Variants in KHDRBS2 observed in about 807,000 individuals in gnomAD.
KHDRBS2 encodes KH domain-containing, RNA-binding, signal transduction-associated protein 2.
In KHDRBS2, 26 loss-of-function variants were observed where a neutral mutation model predicts 44.3. The ratio of observed to expected loss-of-function variants is 0.59; its 90% CI spans 0.43 to 0.81. KHDRBS2 has a LOEUF of 0.81. Among genes scored for constraint, KHDRBS2 ranks in the 40% least tolerant of loss-of-function variants. KHDRBS2 has a pLI of 0.00. For synonymous variants in KHDRBS2, 194 were observed against 151.1 expected (o/e 1.28, Z -2.08); for missense variants, 476 against 433.1 (o/e 1.10, Z -0.88).
intron 1 of KHDRBS2, among the ~76,000 whole-genome samples, chr6:62,234,440 C>T (rs915006653): frequency 6.6e-6 from 1 of 151,874 alleles, no homozygotes; most frequent in African/African-American, 2.4e-5. Flanking sequence ...TTTTATATGC[C>T]AGGTATTGCA....
intron 6 of KHDRBS2, among the ~76,000 whole-genome samples, chr6:61,855,782 C>T (rs147250410): frequency 6.6e-5 from 10 of 152,054 alleles, no homozygotes; most frequent in East Asian, 1.9e-4. Context: ...TTTCCTTTGG[C>T]GGGGCAGTTC....
At chr6:61,855,220 T>C (rs534593660) in intron 6 of KHDRBS2, among the ~76,000 whole-genome samples, 1 of 152,200 alleles carries the variant, frequency 6.6e-6, no homozygotes, top group South Asian at 2.1e-4. Flanking sequence ...TAAGTAGCTC[T>C]ATACTCTAAA....
At chr6:62,117,576 G>A (rs1423314741) in intron 2 of KHDRBS2, among the ~76,000 whole-genome samples, 1 of 151,926 alleles carries the variant, frequency 6.6e-6, no homozygotes, top group African/African-American at 2.4e-5. Flanking sequence ...TCTGTTGATT[G>A]TTTCCTTTGT....
intron 1 of KHDRBS2, among the ~76,000 whole-genome samples, chr6:62,180,118 C>G (rs1821951058): frequency 6.6e-6 from 1 of 151,828 alleles, no homozygotes; most frequent in East Asian, 1.9e-4. Flanking sequence ...CCAAACACTA[C>G]ATGTTCCAGA....
At chr6:62,070,072 T>C (rs904064472) in intron 2 of KHDRBS2, among the ~76,000 whole-genome samples, 4 of 151,676 alleles carry the variant, frequency 2.6e-5, no homozygotes, top group Non-Finnish European at 5.9e-5. Context: ...ATTCATATGG[T>C]TTTTGCTCCT....
intron 4 of KHDRBS2, among the ~76,000 whole-genome samples, chr6:61,945,929 C>G (rs1813277666): frequency 6.6e-6 from 1 of 152,106 alleles, no homozygotes; most frequent in South Asian, 2.1e-4. Context: ...AAATAAAGAA[C>G]TAGTAAGTCT....
the KHDRBS2 span, among the ~76,000 whole-genome samples, chr6:61,634,705 A>G: frequency 6.6e-6 from 1 of 152,094 alleles, no homozygotes; most frequent in Non-Finnish European, 1.5e-5. Flanking sequence ...AAAGGTCTCA[A>G]GAAAAAATGG....
chr6:61,549,892 T>C, the KHDRBS2 span, among the ~76,000 whole-genome samples: 3 of 152,174 alleles, frequency 2.0e-5, no homozygotes, highest in African/African-American at 7.2e-5. Flanking sequence ...ATGATTCTTT[T>C]TGGTCATTTG....
intron 7 of KHDRBS2, among the ~76,000 whole-genome samples, chr6:61,707,028 G>T (rs1315648116): frequency 4.0e-5 from 6 of 151,636 alleles, no homozygotes; most frequent in Admixed American, 3.3e-4. Flanking sequence ...TTGGGATAAA[G>T]GTAAAATTAT....
the KHDRBS2 span, among the ~76,000 whole-genome samples, chr6:61,560,722 G>A: frequency 6.6e-6 from 1 of 152,076 alleles, no homozygotes; most frequent in Admixed American, 6.5e-5. Context: ...CTTCTCTATG[G>A]TATCTCGAAT....
intron 6 of KHDRBS2, among the ~76,000 whole-genome samples, chr6:61,864,397 T>A (rs570114324): frequency 3.0e-4 from 46 of 152,292 alleles, no homozygotes; most frequent in African/African-American, 1.1e-3. Flanking sequence ...CAGCATGTTT[T>A]TGTAGTGGCT....
At chr6:62,105,836 C>A (rs1045817594) in intron 2 of KHDRBS2, among the ~76,000 whole-genome samples, 1 of 152,022 alleles carries the variant, frequency 6.6e-6, no homozygotes, top group Non-Finnish European at 1.5e-5. Flanking sequence ...AATGTGTTTG[C>A]TCTTGCTTTT....
chr6:62,095,110 T>C (rs557074846), intron 2 of KHDRBS2, among the ~76,000 whole-genome samples: 81 of 152,082 alleles, frequency 5.3e-4, no homozygotes, highest in South Asian at 1.9e-3. Context: ...ATGCCATTGG[T>C]ATTTTGATGG....
At chr6:61,966,018 T>A (rs1485276642) in intron 4 of KHDRBS2, among the ~76,000 whole-genome samples, 1 of 152,050 alleles carries the variant, frequency 6.6e-6, no homozygotes, top group African/African-American at 2.4e-5. Flanking sequence ...TTATTCATAG[T>A]GTACCTCCTC....
chr6:62,068,196 T>A lies in KHDRBS2; in HGVS notation c.220-20202A>T, dbSNP rs1309542220. Among the ~76,000 whole-genome samples, 3 of 151,572 alleles carry A rather than the reference T, an allele frequency of 2.0e-5. 1 individual carries two copies. Among genetic ancestry groups the A allele is most frequent in the Admixed American group, 2.0e-4 (3 of 15,160 alleles). ...TGTTTTTCCACTTCTCGGTCAACAC[T>A]TGTAATTGTTTGTTTTTGGATTGTA... On this transcript the variant is annotated intron_variant, in intron 2 of 8. Coordinates refer to ENST00000281156, the MANE Select transcript of KHDRBS2 (RefSeq NM_152688.4).
At chr6:61,675,979 A>G (rs1241713241), downstream of KHDRBS2, among the ~76,000 whole-genome samples, 2 of 151,830 alleles carry the variant, frequency 1.3e-5, no homozygotes, top group Non-Finnish European at 2.9e-5. Flanking sequence ...TGTCACTTGC[A>G]TGAGGTGGAT....
chr6:62,066,573 A>G (rs534637288), intron 2 of KHDRBS2, among the ~76,000 whole-genome samples: 15 of 151,826 alleles, frequency 9.9e-5, no homozygotes, highest in African/African-American at 3.1e-4. Flanking sequence ...TGTTGTGCTT[A>G]CATGTGCAAA....
intron 2 of KHDRBS2, among the ~76,000 whole-genome samples, chr6:62,118,842 C>T (rs1392696810): frequency 6.6e-6 from 1 of 152,316 alleles, no homozygotes; most frequent in East Asian, 1.9e-4. Context: ...GCTATGAGGC[C>T]TTCAGCCACA....
intron 2 of KHDRBS2, among the ~76,000 whole-genome samples, chr6:62,126,109 C>T (rs1808899210): frequency 6.6e-6 from 1 of 152,094 alleles, no homozygotes; most frequent in Admixed American, 6.5e-5. Flanking sequence ...CAGCAGGGCA[C>T]CTACTGCCCT....
Sources: allele counts gnomAD v4.1 joint callset (sites outside exome capture counted in the v4.1 genomes callset), GRCh38; gene constraint gnomAD v4.1.1; transcripts MANE v1.5; gene names NCBI Gene and HGNC (gene_info 2026-07-23, HGNC 2026-07-21).